Variants in POU2F2 observed in about 807,000 individuals in gnomAD.
POU2F2 encodes POU class 2 homeobox 2.
POU2F2 carries 14 observed loss-of-function variants against 63.5 expected under a neutral mutation model. The observed-to-expected ratio is 0.22, with a 90% CI of 0.15 to 0.34. The LOEUF (loss-of-function observed/expected upper bound fraction) is 0.34, where lower values mean the gene tolerates loss of function less well. Ranked by LOEUF, POU2F2 falls within the 10% of genes least tolerant of loss-of-function variation. The probability of loss-of-function intolerance (pLI) is 1.00; values close to 1 mark genes in which losing one functional copy is unlikely to be tolerated. For synonymous variants in POU2F2, 306 were observed against 348.6 expected (o/e 0.88, Z 1.36); for missense variants, 607 against 815.2 (o/e 0.74, Z 3.11).
chr19:42,154,593 T>A (rs546984963), intron 2 of POU2F2, among the ~76,000 whole-genome samples: 2 of 151,134 alleles, frequency 1.3e-5, no homozygotes, highest in African/African-American at 4.9e-5. Flanking sequence ...AAGGGGGCAA[T>A]GCACAGAGAG....
intron 5 of POU2F2, among the ~76,000 whole-genome samples, chr19:42,114,755 T>C (rs1178896126): frequency 6.6e-6 from 1 of 152,102 alleles, no homozygotes; most frequent in African/African-American, 2.4e-5. Context: ...GGAGGATTCA[T>C]GGGAGCAAAG....
rs2034389838 is a variant in POU2F2 at position 42,153,211 on chromosome 19, G to C, written c.-9+7121C>G. On this transcript the variant is annotated intron_variant, in intron 2 of 6. Transcript: ENST00000524801. This position sits in a 1 kb window ranked among gnomAD's most constrained non-coding sequence, Gnocchi z 5.6. ...ACGCAGGGTGTGCATGTGTCCTCAG[G>C]CTCTGCTGGGGGATTCTAGGACTGC... Among the ~76,000 whole-genome samples the C allele has an allele frequency of 1.3e-5, 2 of 152,182 alleles. No homozygotes were observed. Among genetic ancestry groups the C allele is most frequent in the African/African-American group, 4.8e-5 (2 of 41,430 alleles).
intron 2 of POU2F2, among the ~76,000 whole-genome samples, chr19:42,150,145 C>T (rs971846393): frequency 5.9e-5 from 9 of 152,042 alleles, no homozygotes; most frequent in Non-Finnish European, 1.0e-4. Context: ...AACCTGTGGC[C>T]ATCGTCTCCC....
rs925123646 is a variant in POU2F2, at chr19:42,095,947, G to A, written c.730-18C>T. On this transcript the variant is annotated intron_variant, in intron 8 of 14. Transcript: ENST00000692977. This position sits in a 1 kb window ranked among gnomAD's most constrained non-coding sequence, Gnocchi z 7.1. ...ACATCACCCTGGGCCAGTGGGGCGG[G>A]GAAGGGCCCGAAGTCAGGGTGGGGC... 4.3e-6 allele frequency: 7 copies of A among 1,610,410 alleles called. No individual in the cohort carries two copies. The highest frequency in any genetic ancestry group is 8.5e-7 in the Non-Finnish European group (1 of 1,178,114).
intron 1 of POU2F2, among the ~76,000 whole-genome samples, chr19:42,189,046 T>G (rs1337945555): frequency 6.6e-6 from 1 of 152,090 alleles, no homozygotes; most frequent in Non-Finnish European, 1.5e-5. Context: ...TAGATAAAGA[T>G]GAAAAATGTA....
chr19:42,147,229 C>T (rs999886722), intron 2 of POU2F2, among the ~76,000 whole-genome samples: 1 of 152,160 alleles, frequency 6.6e-6, no homozygotes, highest in Non-Finnish European at 1.5e-5. Context: ...CACCTCTTTG[C>T]CTACCCTGCT....
chr19:42,177,693 GAC>G (rs994405433), upstream of POU2F2, among the ~76,000 whole-genome samples: 2 of 151,038 alleles, frequency 1.3e-5, no homozygotes, highest in African/African-American at 4.9e-5. Flanking sequence ...GAGACACACG[GAC>G]ACACAGTAAG....
intron 5 of POU2F2, among the ~76,000 whole-genome samples, chr19:42,116,151 G>A (rs374597134): frequency 3.9e-5 from 6 of 152,234 alleles, no homozygotes; most frequent in Non-Finnish European, 5.9e-5. Context: ...ATTATGTTAC[G>A]GCAGCCCTAG....
At chr19:42,140,945 C>A (rs1281233162) in intron 2 of POU2F2, among the ~76,000 whole-genome samples, 1 of 152,212 alleles carries the variant, frequency 6.6e-6, no homozygotes, top group South Asian at 2.1e-4. Flanking sequence ...TCAGAGCTCA[C>A]CTTTCTCCTC....
At chr19:42,196,181 T>C (rs1414175109) in intron 1 of POU2F2, among the ~76,000 whole-genome samples, 1 of 151,992 alleles carries the variant, frequency 6.6e-6, no homozygotes, top group Non-Finnish European at 1.5e-5. Context: ...TCATCACAGG[T>C]GCCCTCCAGA....
At position 42,090,547 on chromosome 19, in the gene POU2F2, G is replaced by A. The variant is rs1413077647; in HGVS notation, c.*710C>T. Reference sequence around the variant, plus strand: ...AGAGCTGGGGGCCAGGGGAGAAGGGGACACATGGTAGGGACACATTCTGTT... The same window carrying A: ...AGAGCTGGGGGCCAGGGGAGAAGGGAACACATGGTAGGGACACATTCTGTT... On this transcript the variant is annotated 3_prime_UTR_variant, in exon 15 of 15. Coordinates refer to ENST00000692977, the MANE Select transcript of POU2F2 (RefSeq NM_001394376.1). This position sits in a 1 kb window ranked among gnomAD's most constrained non-coding sequence, Gnocchi z 4.4. The A allele has an allele frequency of 6.5e-6, 1 of 152,722 alleles. No homozygotes were observed. Among genetic ancestry groups the A allele is most frequent in the African/African-American group, 2.4e-5 (1 of 41,430 alleles). The allele number at this position is 152,722 out of a possible 1,614,324, so 9.5% of individuals were successfully genotyped here. A position where few individuals can be genotyped will look rare whatever the true frequency, so the allele number is the denominator to read the frequency against.
chr19:42,104,873 T>TG (rs2077276402), intron 5 of POU2F2, among the ~76,000 whole-genome samples: 2 of 152,128 alleles, frequency 1.3e-5, no homozygotes, highest in South Asian at 4.1e-4. Context: ...CCTGACCCCC[T>TG]GGGGGTGCCT....
At position 42,091,519 on chromosome 19, in the gene POU2F2, C is replaced by T. The variant is rs1416922088; in HGVS notation, c.1613G>A (p.Gly538Asp). 17 of 1,545,854 alleles carry T rather than the reference C, an allele frequency of 1.1e-5. No individual in the cohort carries two copies. Among genetic ancestry groups the T allele is most frequent in the Non-Finnish European group, 1.4e-5 (16 of 1,143,328 alleles). Reference sequence around the variant, plus strand: ...CAGGCCAGGGCTCCCCGGGGCTGCACCGGCTGCCCCCAGCACCAGATTCCC... The same window carrying T: ...CAGGCCAGGGCTCCCCGGGGCTGCATCGGCTGCCCCCAGCACCAGATTCCC... ...GSGNLVLGAA[G>D]AAPGSPGLVT... The change falls in exon 15 of 15, where the codon GGT becomes GAT. Residue 538 changes from glycine (G) to aspartate (D), a missense_variant. By Grantham distance (94) the Gly-to-Asp change is moderately conservative. This residue lies in a region of POU2F2 where 270 missense variants were observed against 307.5 expected (regional missense o/e 0.88). Transcript: ENST00000692977.
At chr19:42,178,262 T>G (rs545792638), upstream of POU2F2, among the ~76,000 whole-genome samples, 22 of 138,464 alleles carry the variant, frequency 1.6e-4, no homozygotes, top group South Asian at 2.4e-3. Flanking sequence ...AGATGCAGAG[T>G]CAGAAAGATA....
upstream of POU2F2, among the ~76,000 whole-genome samples, chr19:42,179,511 G>A (rs532873782): frequency 6.6e-5 from 10 of 152,104 alleles, no homozygotes; most frequent in Admixed American, 3.3e-4. Flanking sequence ...GTGAGAGGGA[G>A]GGAACAGGAG....
In POU2F2 at chr19:42,089,751, T is replaced by A. The variant is rs1331059521; in HGVS notation, c.*1506A>T. The A allele has an allele frequency of 1.3e-5, 2 of 148,634 alleles. No homozygotes were observed. Among genetic ancestry groups the A allele is most frequent in the Admixed American group, 6.7e-5 (1 of 14,842 alleles). The allele number at this position is 148,634 out of a possible 1,614,324, so 9.2% of individuals were successfully genotyped here. A position where few individuals can be genotyped will look rare whatever the true frequency, so the allele number is the denominator to read the frequency against. The stretch of plus-strand genomic sequence containing the variant: ...ATATATGTTTATATATATATATAAA[T>A]TTTTTTTCTAGTTTAAATTTATTGT... On this transcript the variant is annotated 3_prime_UTR_variant, in exon 15 of 15. Coordinates refer to ENST00000692977, the MANE Select transcript of POU2F2 (RefSeq NM_001394376.1).
intron 2 of POU2F2, among the ~76,000 whole-genome samples, chr19:42,142,999 A>G (rs184041821): frequency 3.7e-4 from 56 of 152,286 alleles, no homozygotes; most frequent in African/African-American, 1.3e-3. Flanking sequence ...AAAGGGACAC[A>G]CGGGGTGGGG....
chr19:42,145,020 G>T (rs2034202492), intron 2 of POU2F2, among the ~76,000 whole-genome samples: 1 of 152,186 alleles, frequency 6.6e-6, no homozygotes, highest in African/African-American at 2.4e-5. Context: ...GCTAGGTGTG[G>T]CCTATGTGTC....
chr19:42,191,686 AG>A (rs1411379675), intron 1 of POU2F2, among the ~76,000 whole-genome samples: 1 of 152,142 alleles, frequency 6.6e-6, no homozygotes, highest in African/African-American at 2.4e-5. Flanking sequence ...CAGAAAACAG[AG>A]GGATCAAGGG....
Sources: allele counts gnomAD v4.1 joint callset (sites outside exome capture counted in the v4.1 genomes callset), GRCh38; gene constraint gnomAD v4.1.1; regional missense constraint gnomAD v4.1.1; non-coding constraint Gnocchi (gnomAD v3.1); transcripts MANE v1.5; gene names NCBI Gene and HGNC (gene_info 2026-07-23, HGNC 2026-07-21).